NSG2: variants seen among roughly 807,000 people sequenced by gnomAD.
NSG2 encodes neuronal vesicle trafficking-associated protein 2.
In NSG2, 4 loss-of-function variants were observed where a neutral mutation model predicts 16.9. The observed-to-expected ratio is 0.24, with a 90% confidence interval of 0.12 to 0.54. The LOEUF is 0.54. Among genes scored for constraint, NSG2 ranks in the 20% least tolerant of loss-of-function variants. NSG2 has a pLI of 0.95. For synonymous variants in NSG2, 98 were observed against 88.7 expected (o/e 1.11, Z -0.59); for missense variants, 179 against 221.1 (o/e 0.81, Z 1.21).
At chr5:174,089,685 C>A (rs564391056) in intron 3 of NSG2, among the ~76,000 whole-genome samples, 1 of 152,302 alleles carries the variant, frequency 6.6e-6, no homozygotes, top group South Asian at 2.1e-4. Flanking sequence ...GGGTGCACGA[C>A]TCACTGTAGC....
chr5:174,076,868 C>T (rs1760352520), intron 3 of NSG2, among the ~76,000 whole-genome samples: 1 of 152,194 alleles, frequency 6.6e-6, no homozygotes, highest in South Asian at 2.1e-4. Flanking sequence ...AAGCATTTTC[C>T]AGCCCCAAAT....
In NSG2 at chr5:174,107,446, T is replaced by C; in HGVS notation, c.457T>C (p.Trp153Arg). The C allele has an allele frequency of 6.2e-7, 1 of 1,612,092 alleles. No homozygotes were observed. The highest frequency in any genetic ancestry group is 1.1e-5 in the South Asian group (1 of 90,976). The part of the protein sequence containing the change: ...KQSTARAIGP[W>R]LSAAAVIHEP... ...GAGCACTGCCCGGGCCATCGGGCCG[T>C]GGCTGTCAGCAGCCGCTGTCATCCA... The change falls in exon 5 of 5, where the codon TGG becomes CGG. Residue 153 changes from tryptophan to arginine, a missense_variant. Physicochemically the swap from Trp to Arg is moderately radical, Grantham distance 101. Transcript: ENST00000303177. This position sits in a 1 kb window ranked among gnomAD's most constrained non-coding sequence, Gnocchi z 4.5.
chr5:174,062,746 G>A (rs1760073256), intron 2 of NSG2: 1 of 152,226 alleles, frequency 6.6e-6, no homozygotes, highest in African/African-American at 2.4e-5. Flanking sequence ...CCTGGTAGAT[G>A]TTCCGTGTAT....
At chr5:174,058,818 G>A (rs1760004860) in intron 2 of NSG2, among the ~76,000 whole-genome samples, 1 of 152,238 alleles carries the variant, frequency 6.6e-6, no homozygotes, top group Admixed American at 6.5e-5. Context: ...TCGGGGTGAA[G>A]ACAAAATATT....
intron 2 of NSG2, among the ~76,000 whole-genome samples, chr5:174,060,319 GTT>G (rs1362037807): frequency 6.6e-6 from 1 of 152,046 alleles, no homozygotes; most frequent in Non-Finnish European, 1.5e-5. Flanking sequence ...TGGGAAGGAT[GTT>G]TATAAAAATA....
chr5:174,052,001 T>G (rs1414230903), intron 2 of NSG2, among the ~76,000 whole-genome samples: 1 of 151,882 alleles, frequency 6.6e-6, no homozygotes, highest in Non-Finnish European at 1.5e-5. Flanking sequence ...TTTCAAAAGG[T>G]ATTTAAAGCA....
chr5:174,086,221 T>G (rs1760617831), intron 3 of NSG2, among the ~76,000 whole-genome samples: 1 of 152,182 alleles, frequency 6.6e-6, no homozygotes, highest in Non-Finnish European at 1.5e-5. Context: ...GGGTGATTGC[T>G]GGCTAACTGA....
intron 3 of NSG2, among the ~76,000 whole-genome samples, chr5:174,104,016 A>G (rs757722971): frequency 6.6e-6 from 1 of 152,150 alleles, no homozygotes; most frequent in African/African-American, 2.4e-5. Flanking sequence ...ACCAAAACAA[A>G]AAAAATGGAG....
At chr5:174,090,504 G>A (rs899387666) in intron 3 of NSG2, among the ~76,000 whole-genome samples, 1 of 152,204 alleles carries the variant, frequency 6.6e-6, no homozygotes, top group Non-Finnish European at 1.5e-5. Flanking sequence ...AGTTAGGCAG[G>A]GTGAGCCACT....
chr5:174,064,097 T>C (rs980439474), intron 2 of NSG2, 135 bp from the exon 3 acceptor site: 6 of 569,366 alleles, frequency 1.1e-5, no homozygotes, highest in Non-Finnish European at 1.2e-5. Context: ...GAATTTTCTC[T>C]TACGTGTGTT....
Position 174,107,868 on chromosome 5 carries a change from T to G in NSG2, c.*363T>G, listed in dbSNP as rs1297637216. 6 of 414,480 alleles carry G rather than the reference T, an allele frequency of 1.4e-5. No homozygotes were observed. In the Admixed American group the frequency reaches 1.7e-4, roughly 12 times the overall value. 25.7% of individuals were successfully genotyped at this position (414,480 alleles called of 1,614,324 possible). A position where few individuals can be genotyped will look rare whatever the true frequency, so the allele number is the denominator to read the frequency against. On this transcript the variant is annotated 3_prime_UTR_variant, in exon 5 of 5. Coordinates refer to ENST00000303177, the MANE Select transcript of NSG2 (RefSeq NM_015980.5). This position sits in a 1 kb window ranked among gnomAD's most constrained non-coding sequence, Gnocchi z 4.5. ...CATGAACAAAAAGCATTAAACTGGC[T>G]CCATCAGAAGACGTTGAAGGGCAGT...
At chr5:174,073,486 G>T (rs948059243) in intron 3 of NSG2, among the ~76,000 whole-genome samples, 3 of 152,210 alleles carry the variant, frequency 2.0e-5, no homozygotes, top group African/African-American at 7.2e-5. Context: ...AAGGCTGCCA[G>T]AGTGTTTCAT....
chr5:174,069,951 C>T (rs940380576), intron 3 of NSG2, among the ~76,000 whole-genome samples: 5 of 149,866 alleles, frequency 3.3e-5, no homozygotes, highest in African/African-American at 1.2e-4. Context: ...GATCATGGCT[C>T]ACTGCAGCCT....
intron 2 of NSG2, among the ~76,000 whole-genome samples, chr5:174,047,827 G>A (rs1759823304): frequency 6.6e-6 from 1 of 152,184 alleles, no homozygotes; most frequent in African/African-American, 2.4e-5. Flanking sequence ...TTTATTATGT[G>A]AGCTTTTGTA....
At chr5:174,062,940 G>A (rs1760076490) in intron 2 of NSG2, among the ~76,000 whole-genome samples, 1 of 152,212 alleles carries the variant, frequency 6.6e-6, no homozygotes, top group Non-Finnish European at 1.5e-5. Context: ...ATAATGGGAA[G>A]TAGGAGTGAT....
intron 2 of NSG2, among the ~76,000 whole-genome samples, chr5:174,061,073 C>T (rs1354956207): frequency 6.6e-6 from 1 of 152,050 alleles, no homozygotes; most frequent in Non-Finnish European, 1.5e-5. Flanking sequence ...AGGCTTGTGG[C>T]TCATGCTGAC....
chr5:174,049,318 C>A (rs949505331), intron 2 of NSG2, among the ~76,000 whole-genome samples: 1 of 151,978 alleles, frequency 6.6e-6, no homozygotes, highest in East Asian at 1.9e-4. Flanking sequence ...CCAGCCTGGG[C>A]GACAGAGCGA....
chr5:174,055,711 C>T (rs1759958306), intron 2 of NSG2, among the ~76,000 whole-genome samples: 1 of 152,152 alleles, frequency 6.6e-6, no homozygotes, highest in African/African-American at 2.4e-5. Context: ...AAAGCAAAGG[C>T]CCAGCAAGAA....
chr5:174,047,492 G>A (rs1759818326), intron 2 of NSG2, among the ~76,000 whole-genome samples: 1 of 152,244 alleles, frequency 6.6e-6, no homozygotes, highest in Non-Finnish European at 1.5e-5. Flanking sequence ...TAGGCAAACT[G>A]CAGAGGAGAG....
Sources: allele counts gnomAD v4.1 joint callset (sites outside exome capture counted in the v4.1 genomes callset), GRCh38; gene constraint gnomAD v4.1.1; non-coding constraint Gnocchi (gnomAD v3.1); transcripts MANE v1.5; gene names NCBI Gene and HGNC (gene_info 2026-07-23, HGNC 2026-07-21).